The following UST variants were observed in gnomAD, a reference collection of about 807,000 sequenced individuals.
UST encodes uronyl 2-sulfotransferase, also known as chondroitin sulfate 2-O-sulfotransferase.
In UST, 21 loss-of-function variants were observed where a neutral mutation model predicts 45.6. The ratio of observed to expected loss-of-function variants is 0.46; its 90% CI spans 0.33 to 0.66. The LOEUF (loss-of-function observed/expected upper bound fraction) is 0.66. UST is among the 30% of genes least tolerant of loss of function. The pLI is 0.02. For missense variants in UST, 463 were observed against 512.4 expected, an observed-to-expected ratio of 0.90 and a Z score of 0.93; for synonymous variants, 215 against 200.6, an observed-to-expected ratio of 1.07 and a Z score of -0.61.
At chr6:149,059,368 G>A (rs969953441) in intron 7 of UST, among the ~76,000 whole-genome samples, 4 of 152,186 alleles carry the variant, frequency 2.6e-5, no homozygotes, top group Non-Finnish European at 5.9e-5. Flanking sequence ...AAGTTTGTCC[G>A]GCAGGGTGTT....
intron 1 of UST, among the ~76,000 whole-genome samples, chr6:148,798,038 T>G (rs1053741453): frequency 3.0e-4 from 46 of 152,146 alleles, no homozygotes; most frequent in African/African-American, 1.1e-3. Flanking sequence ...TTTGAGAGTG[T>G]TCACCCGGAA....
intron 1 of UST, among the ~76,000 whole-genome samples, chr6:148,858,709 CATT>C (rs1778251413): frequency 6.6e-6 from 1 of 152,044 alleles, no homozygotes; most frequent in African/African-American, 2.4e-5. Flanking sequence ...CATGTGTTCT[CATT>C]GTTCAGTTCC....
At chr6:148,864,399 C>T (rs1281193695) in intron 1 of UST, among the ~76,000 whole-genome samples, 3 of 152,206 alleles carry the variant, frequency 2.0e-5, no homozygotes, top group Admixed American at 6.5e-5. Flanking sequence ...AGGTGCCATG[C>T]GTCACAGCTT....
chr6:148,798,010 A>C (rs1394267151), intron 1 of UST, among the ~76,000 whole-genome samples: 2 of 152,192 alleles, frequency 1.3e-5, no homozygotes, highest in Non-Finnish European at 2.9e-5. Context: ...GTAGGTGGGC[A>C]ACATGGTCAG....
chr6:148,918,527 G>A (rs1172783604), intron 2 of UST, among the ~76,000 whole-genome samples: 2 of 151,954 alleles, frequency 1.3e-5, no homozygotes, highest in Admixed American at 6.6e-5. Context: ...ATTTTATAGG[G>A]CCATCATCTT....
chr6:148,982,155 A>G (rs1205219423), intron 5 of UST, among the ~76,000 whole-genome samples: 3 of 149,892 alleles, frequency 2.0e-5, no homozygotes, highest in Non-Finnish European at 4.4e-5. Context: ...CTAGAATGCC[A>G]TGGTGCAATT....
chr6:148,991,454 G>T (rs1045878588), intron 5 of UST, among the ~76,000 whole-genome samples: 4 of 151,560 alleles, frequency 2.6e-5, no homozygotes, highest in African/African-American at 7.3e-5. Flanking sequence ...TTGGTGTGCT[G>T]CACCCGTTAA....
At chr6:148,914,293 AC>A (rs1460682419) in intron 2 of UST, among the ~76,000 whole-genome samples, 1 of 150,892 alleles carries the variant, frequency 6.6e-6, no homozygotes, top group East Asian at 2.0e-4. Context: ...CAGAAATCTT[AC>A]CCGAAACTCG....
At chr6:148,761,519 G>A (rs908933240) in intron 1 of UST, among the ~76,000 whole-genome samples, 11 of 116,752 alleles carry the variant, frequency 9.4e-5, no homozygotes, top group Admixed American at 5.4e-4. Context: ...ATCCGACAAC[G>A]TGCCAAAAAA....
intron 1 of UST, among the ~76,000 whole-genome samples, chr6:148,856,584 A>G (rs1030224272): frequency 1.3e-5 from 2 of 152,144 alleles, no homozygotes; most frequent in Non-Finnish European, 2.9e-5. Context: ...GGCGGTAGCT[A>G]CCTCTTGAAG....
At chr6:148,911,050 G>T (rs1185225237) in intron 2 of UST, among the ~76,000 whole-genome samples, 1 of 152,120 alleles carries the variant, frequency 6.6e-6, no homozygotes, top group Non-Finnish European at 1.5e-5. Context: ...GTCTGAATTG[G>T]CTGGCCCTGA....
intron 1 of UST, among the ~76,000 whole-genome samples, chr6:148,872,049 C>CA (rs2114817519): frequency 6.6e-6 from 1 of 152,188 alleles, no homozygotes; most frequent in Admixed American, 6.6e-5. Flanking sequence ...GTGTATGTGG[C>CA]TGTGTGTGTG....
At chr6:148,961,727 A>G (rs567498053) in intron 4 of UST, among the ~76,000 whole-genome samples, 2 of 152,354 alleles carry the variant, frequency 1.3e-5, no homozygotes, top group South Asian at 4.1e-4. Context: ...AAATCACTGT[A>G]TGGGATGGTA....
At chr6:148,866,734 C>T (rs1472389416) in intron 1 of UST, among the ~76,000 whole-genome samples, 1 of 152,128 alleles carries the variant, frequency 6.6e-6, no homozygotes, top group Non-Finnish European at 1.5e-5. Flanking sequence ...TCATTTATAA[C>T]CCCGTGTTAT....
intron 1 of UST, among the ~76,000 whole-genome samples, chr6:148,839,525 A>G (rs1020801455): frequency 2.0e-5 from 3 of 152,174 alleles, no homozygotes; most frequent in South Asian, 4.1e-4. Context: ...TCATCTTTTG[A>G]CATGATTTCA....
At chr6:148,977,811 C>A (rs781436235) in intron 5 of UST, among the ~76,000 whole-genome samples, 2 of 151,636 alleles carry the variant, frequency 1.3e-5, no homozygotes, top group Non-Finnish European at 2.9e-5. Context: ...GCTACCCCCA[C>A]CCCACATTCA....
At chr6:148,987,976 G>A (rs1400926230) in intron 5 of UST, among the ~76,000 whole-genome samples, 1 of 152,108 alleles carries the variant, frequency 6.6e-6, no homozygotes, top group Non-Finnish European at 1.5e-5. Flanking sequence ...TCTAAGGAGA[G>A]AGGCACACAC....
chr6:148,803,879 A>C (rs1008120206), intron 1 of UST, among the ~76,000 whole-genome samples: 2 of 152,158 alleles, frequency 1.3e-5, no homozygotes, highest in African/African-American at 4.8e-5. Context: ...GACATTACTT[A>C]ACCCCAACTT....
chr6:149,065,698 G>A (rs1212703866), intron 7 of UST, among the ~76,000 whole-genome samples: 4 of 152,156 alleles, frequency 2.6e-5, no homozygotes, highest in African/African-American at 7.2e-5. Context: ...GGGTTATTGA[G>A]AATATCAAAT....
Sources: allele counts gnomAD v4.1 joint callset (sites outside exome capture counted in the v4.1 genomes callset), GRCh38; gene constraint gnomAD v4.1.1; transcripts MANE v1.5; gene names NCBI Gene and HGNC (gene_info 2026-07-23, HGNC 2026-07-21).